BIN3: variants seen among roughly 807,000 people sequenced by gnomAD.
BIN3 encodes bridging integrator 3.
BIN3 carries 41 observed loss-of-function variants against 38.2 expected under a neutral mutation model. The observed-to-expected ratio is 1.07, with a 90% CI of 0.84 to 1.39. BIN3 has a LOEUF of 1.39. Ranked by LOEUF, BIN3 falls within the 40% of genes most tolerant of loss-of-function variation. BIN3 has a pLI of 0.00. For missense variants in BIN3, 361 were observed against 324.3 expected, an observed-to-expected ratio of 1.11 and a Z score of -0.87; for synonymous variants, 145 against 122.6, an observed-to-expected ratio of 1.18 and a Z score of -1.21.
At chr8:22,657,986 C>T (rs1803109562) in intron 1 of BIN3, among the ~76,000 whole-genome samples, 1 of 152,212 alleles carries the variant, frequency 6.6e-6, no homozygotes, top group African/African-American at 2.4e-5. Context: ...CTCCTCCCTC[C>T]TCCTCACACT....
intron 1 of BIN3, among the ~76,000 whole-genome samples, chr8:22,662,617 A>C (rs1223333193): frequency 6.6e-6 from 1 of 152,200 alleles, no homozygotes; most frequent in Admixed American, 6.5e-5. Flanking sequence ...CTGGAGTCAA[A>C]GGTGTTAGCT....
intron 4 of BIN3, among the ~76,000 whole-genome samples, chr8:22,636,303 A>G (rs1330456194): frequency 6.6e-6 from 1 of 152,196 alleles, no homozygotes; most frequent in Non-Finnish European, 1.5e-5. Context: ...GAGTCCCAGG[A>G]GAGCCTTGCC....
intron 2 of BIN3, among the ~76,000 whole-genome samples, chr8:22,643,298 C>T (rs1461848454): frequency 1.3e-5 from 2 of 152,184 alleles, no homozygotes; most frequent in East Asian, 3.9e-4. Flanking sequence ...TGGTCAGCAC[C>T]CTGCCTCTGC....
chr8:22,665,898 C>G (rs1290912081), intron 1 of BIN3, among the ~76,000 whole-genome samples: 1 of 152,200 alleles, frequency 6.6e-6, no homozygotes, highest in Non-Finnish European at 1.5e-5. Flanking sequence ...ACTCATTTCA[C>G]AGCAGGCTCA....
rs140884258 is a variant in BIN3 at position 22,624,571 on chromosome 8, A to C, written c.339-208T>G. ...GGTCTTGGGGAGTTCACTGTGAACA[A>C]GACAGATGAGGCCCTGTCCCCTGGA... On this transcript the variant is annotated intron_variant, in intron 6 of 8. Transcript: ENST00000276416. The C allele has an allele frequency of 1.0e-3, 616 of 593,480 alleles. 7 individuals are homozygous for C. In the African/African-American group the frequency reaches 0.01, roughly 10 times the overall value. 36.8% of individuals were successfully genotyped at this position (593,480 alleles called of 1,614,324 possible).
intron 2 of BIN3, among the ~76,000 whole-genome samples, chr8:22,638,278 T>G (rs922088350): frequency 1.3e-5 from 2 of 152,222 alleles, no homozygotes; most frequent in African/African-American, 2.4e-5. Flanking sequence ...TAATTCAACA[T>G]AGCCCTGGAA....
rs373984249 is a variant in BIN3, at chr8:22,621,820, CA to C, written c.616-253del. ...TTCGGGCTCCTGGTTCCCCCAGCAG[CA>C]GGTGCAGGAAGGCATGGGCCTCCTA... On this transcript the variant is annotated intron_variant, in intron 8 of 8. Coordinates refer to ENST00000276416, the MANE Select transcript of BIN3 (RefSeq NM_018688.6). Among the ~76,000 whole-genome samples the C allele has an allele frequency of 5.5e-3, 840 of 152,312 alleles. 8 individuals are homozygous for C. Among genetic ancestry groups the C allele is most frequent in the African/African-American group, 0.02 (811 of 41,564 alleles).
intron 1 of BIN3, among the ~76,000 whole-genome samples, chr8:22,645,053 T>TA (rs536230905): frequency 3.3e-4 from 50 of 152,006 alleles, no homozygotes; most frequent in Non-Finnish European, 6.3e-4. Context: ...TTGCTACTGA[T>TA]AGTCTGTCAT....
At chr8:22,644,722 T>A in intron 2 of BIN3, 33 bp downstream of exon 2, 1 of 1,603,282 alleles carries the variant, frequency 6.2e-7, no homozygotes, top group Non-Finnish European at 8.5e-7. Flanking sequence ...GATACAGAAC[T>A]GAATCTCACA....
intron 1 of BIN3, among the ~76,000 whole-genome samples, chr8:22,649,723 CA>C (rs892462206): frequency 6.6e-6 from 1 of 150,840 alleles, no homozygotes; most frequent in Non-Finnish European, 1.5e-5. Flanking sequence ...AACAAACAAA[CA>C]AAAAAACACC....
intron 1 of BIN3, among the ~76,000 whole-genome samples, chr8:22,654,735 T>C (rs1803004107): frequency 6.6e-6 from 1 of 152,216 alleles, no homozygotes; most frequent in Non-Finnish European, 1.5e-5. Context: ...ACTTATCATT[T>C]GATGGACAAT....
At chr8:22,647,332 G>C (rs1802745237) in intron 1 of BIN3, among the ~76,000 whole-genome samples, 1 of 152,116 alleles carries the variant, frequency 6.6e-6, no homozygotes, top group African/African-American at 2.4e-5. Context: ...GGTATTTTTA[G>C]AACTGTAAGT....
intron 2 of BIN3, 122 bp from the exon 3 acceptor site, chr8:22,637,084 C>T: frequency 1.2e-6 from 1 of 820,414 alleles, no homozygotes; most frequent in South Asian, 1.5e-5. Context: ...TGGTCCAGTT[C>T]ACACAAGCAC....
chr8:22,636,929 G>GT lies in BIN3; in HGVS notation c.90dup (p.Leu31ThrfsTer43). 6.2e-7 allele frequency: 1 copy of GT among 1,613,144 alleles called. No individual in the cohort carries two copies. Among genetic ancestry groups the GT allele is most frequent in the Non-Finnish European group, 8.5e-7 (1 of 1,179,172 alleles). Reference sequence around the variant, plus strand: ...TCTGGGGTTGACACTCACTGCTGAAGTTTTCCATACTCCCTTTCAAAGTCT... The same window carrying GT: ...TCTGGGGTTGACACTCACTGCTGAAGTTTTTCCATACTCCCTTTCAAAGTCT... On this transcript the variant is annotated frameshift_variant, in exon 3 of 9. Coordinates refer to ENST00000276416, the MANE Select transcript of BIN3 (RefSeq NM_018688.6). LOFTEE classifies it high-confidence loss of function.
rs1803430721 is a variant in BIN3 at position 22,666,629 on chromosome 8, G to T, written c.8+2415C>A. 2.0e-5 allele frequency among the ~76,000 whole-genome samples: 3 copies of T among 152,276 alleles called. No individual in the cohort carries two copies. In the South Asian group the frequency reaches 6.2e-4, roughly 32 times the overall value. The stretch of plus-strand genomic sequence containing the variant: ...CCACTAAACAAACAGGGGGTGGGCG[G>T]GTTGCCTGCACAGAGGAAGCAGAGA... On this transcript the variant is annotated intron_variant, in intron 1 of 8. Transcript: ENST00000276416.
At position 22,621,198 on chromosome 8, in the gene BIN3, G is replaced by C. The variant is rs1322855451; in HGVS notation, c.*224C>G. 3.5e-6 allele frequency: 2 copies of C among 578,900 alleles called. No individual in the cohort carries two copies. Among genetic ancestry groups the C allele is most frequent in the Non-Finnish European group, 6.0e-6 (2 of 331,106 alleles). The allele number at this position is 578,900 out of a possible 1,614,324, so 35.9% of individuals were successfully genotyped here. ...GGTTCTCCAAATAAAAAAGCCCCAA[G>C]GGTTTGTCTACACTGCTTACCTGCT... is the stretch of plus-strand genomic sequence containing the variant. On this transcript the variant is annotated 3_prime_UTR_variant, in exon 9 of 9. Transcript: ENST00000276416.
chr8:22,651,905 AACTT>A (rs1802907003), intron 1 of BIN3, among the ~76,000 whole-genome samples: 1 of 150,412 alleles, frequency 6.6e-6, no homozygotes, highest in African/African-American at 2.4e-5. Flanking sequence ...TTACTTCTGA[AACTT>A]ACAATTTCGA....
chr8:22,631,025 C>A, intron 4 of BIN3, among the ~76,000 whole-genome samples: 1 of 152,148 alleles, frequency 6.6e-6, no homozygotes, highest in East Asian at 1.9e-4. Context: ...CTACAAAAGG[C>A]CCAACAGTAA....
chr8:22,631,177 T>G (rs1036249923), intron 4 of BIN3, among the ~76,000 whole-genome samples: 1 of 152,156 alleles, frequency 6.6e-6, no homozygotes, highest in Non-Finnish European at 1.5e-5. Context: ...TAGGTCAGAT[T>G]AGGCCAGCAG....
Sources: gnomAD v4.1 joint callset for allele counts (sites outside exome capture counted in the v4.1 genomes callset) on GRCh38, gnomAD v4.1.1 for gene constraint, MANE v1.5 for transcripts, NCBI Gene and HGNC (gene_info 2026-07-23, HGNC 2026-07-21) for gene names.